The following CD226 variants were observed in gnomAD, a reference collection of about 807,000 sequenced individuals.
The protein encoded by CD226 is CD226 molecule, also known as CD226 antigen.
CD226 carries 24 observed loss-of-function variants against 34.9 expected under a neutral mutation model. The observed-to-expected ratio is 0.69, with a 90% confidence interval of 0.50 to 0.97. The LOEUF (loss-of-function observed/expected upper bound fraction) is 0.97. Ranked by LOEUF, CD226 falls within the 50% of genes least tolerant of loss-of-function variation. The pLI, the probability that CD226 is intolerant of heterozygous loss-of-function variation, is 0.00. For synonymous variants in CD226, 148 were observed against 147.4 expected, an observed-to-expected ratio of 1.00 and a Z score of -0.03; for missense variants, 397 against 412.7, an observed-to-expected ratio of 0.96 and a Z score of 0.33.
At chr18:69,950,254 ACT>A (rs560239008), upstream of CD226, among the ~76,000 whole-genome samples, 320 of 151,772 alleles carry the variant, frequency 2.1e-3, 2 homozygotes, top group South Asian at 1.5e-3. Flanking sequence ...ACTCTCACAC[ACT>A]CTGTCTCTCT....
Position 69,859,528 on chromosome 18 carries a change from T to C in CD226, c.*4786A>G, listed in dbSNP as rs1982713753. On this transcript the variant is annotated 3_prime_UTR_variant, in exon 6 of 6. Transcript: ENST00000582621. ...GAGAAGAGTATTTTATGTGGTGAGT[T>C]TGGGGAGAGAAAGACATCTAAATGA... is the stretch of plus-strand genomic sequence containing the variant. 1.3e-5 allele frequency: 2 copies of C among 151,706 alleles called. No individual in the cohort carries two copies. The highest frequency in any genetic ancestry group is 1.3e-4 in the Admixed American group (2 of 15,208). 9.4% of individuals were successfully genotyped at this position (151,706 alleles called of 1,614,324 possible).
At chr18:69,909,213 T>TG (rs2055293860) in intron 2 of CD226, among the ~76,000 whole-genome samples, 1 of 152,198 alleles carries the variant, frequency 6.6e-6, no homozygotes, top group African/African-American at 2.4e-5. Context: ...CCAATAATTT[T>TG]GGGGGGACTA....
At chr18:69,932,075 T>C (rs1353431939) in intron 2 of CD226, among the ~76,000 whole-genome samples, 1 of 152,178 alleles carries the variant, frequency 6.6e-6, no homozygotes, top group African/African-American at 2.4e-5. Context: ...AATAACCTCA[T>C]TTTAACTTAA....
intron 2 of CD226, among the ~76,000 whole-genome samples, chr18:69,902,576 G>C (rs1033489827): frequency 6.6e-6 from 1 of 150,646 alleles, no homozygotes; most frequent in East Asian, 2.0e-4. Flanking sequence ...AAAAAAAAAT[G>C]TGTGTTGTGC....
intron 2 of CD226, among the ~76,000 whole-genome samples, chr18:69,909,507 T>C (rs1024862320): frequency 1.3e-5 from 2 of 152,190 alleles, no homozygotes; most frequent in African/African-American, 2.4e-5. Flanking sequence ...CTCCCTGAGG[T>C]AGAAGAGGCT....
chr18:69,953,599 G>A lies in CD226; in HGVS notation c.-28+3156C>T, dbSNP rs143712259. On this transcript the variant is annotated intron_variant, in intron 1 of 6. Transcript: ENST00000280200. The stretch of plus-strand genomic sequence containing the variant: ...GAGGGAATAGGGAGTGACTGTTTAA[G>A]GTATGGGGTTTTCTTTAAAATGATG... Among the ~76,000 whole-genome samples the A allele has an allele frequency of 3.4e-4, 52 of 152,284 alleles. 1 individual carries two copies. The highest frequency in any genetic ancestry group is 1.0e-3 in the African/African-American group (43 of 41,546).
At position 69,862,506 on chromosome 18, in the gene CD226, A is replaced by T. The variant is rs1465461501; in HGVS notation, c.*1808T>A. On this transcript the variant is annotated 3_prime_UTR_variant, in exon 6 of 6. Transcript: ENST00000582621. ...AAACATTTCATGAATCCAGGTATAA[A>T]AAGATCTTTAAGCAAACATAATAAA... The T allele has an allele frequency of 2.6e-5, 4 of 152,168 alleles. No homozygotes were observed. Among genetic ancestry groups the T allele is most frequent in the Non-Finnish European group, 5.9e-5 (4 of 68,004 alleles). 9.4% of individuals were successfully genotyped at this position (152,168 alleles called of 1,614,324 possible). A position where few individuals can be genotyped will look rare whatever the true frequency, so the allele number is the denominator to read the frequency against.
At chr18:69,878,481 G>T (rs1015357232) in intron 3 of CD226, among the ~76,000 whole-genome samples, 4 of 151,732 alleles carry the variant, frequency 2.6e-5, no homozygotes, top group African/African-American at 9.7e-5. Context: ...TTCCCTCAGA[G>T]TTCGGCAGGC....
At chr18:69,895,597 A>C in intron 3 of CD226, 104 bp downstream of exon 3, 26 of 780,940 alleles carry the variant, frequency 3.3e-5, no homozygotes, top group Non-Finnish European at 5.1e-5. Flanking sequence ...AATGCTGAAT[A>C]TGCGCATTAA....
chr18:69,959,710 T>C (rs1322900956), upstream of CD226, among the ~76,000 whole-genome samples: 1 of 152,174 alleles, frequency 6.6e-6, no homozygotes. Context: ...CAATTGTTAA[T>C]AGATGCTAAA....
intron 2 of CD226, among the ~76,000 whole-genome samples, chr18:69,939,884 G>T (rs1233012505): frequency 6.6e-6 from 1 of 152,134 alleles, no homozygotes; most frequent in African/African-American, 2.4e-5. Context: ...TCCTGGGTCT[G>T]CAGCCTGCAA....
chr18:69,857,392 T>C lies in CD226; in HGVS notation c.*6922A>G, dbSNP rs1018799360. On this transcript the variant is annotated 3_prime_UTR_variant, in exon 6 of 6. Coordinates refer to ENST00000582621, the MANE Select transcript of CD226 (RefSeq NM_001303618.2). ...GCTCAACTGAAGCCACATCCAAAGCTGTTACTCAGAAAACTTAGTATCACT... is the reference window on the plus strand; with the variant it reads ...GCTCAACTGAAGCCACATCCAAAGCCGTTACTCAGAAAACTTAGTATCACT... 1 of 152,152 alleles carries C rather than the reference T, an allele frequency of 6.6e-6. No individual in the cohort carries two copies. Among genetic ancestry groups the C allele is most frequent in the African/African-American group, 2.4e-5 (1 of 41,434 alleles). The allele number at this position is 152,152 out of a possible 1,614,324, so 9.4% of individuals were successfully genotyped here.
At chr18:69,895,016 C>T (rs1166685860) in intron 3 of CD226, among the ~76,000 whole-genome samples, 1 of 152,152 alleles carries the variant, frequency 6.6e-6, no homozygotes, top group Non-Finnish European at 1.5e-5. Flanking sequence ...AGGCCAATTT[C>T]ACCAGCACAA....
intron 3 of CD226, among the ~76,000 whole-genome samples, chr18:69,883,753 T>C (rs1180046133): frequency 6.6e-6 from 1 of 152,272 alleles, no homozygotes; most frequent in Non-Finnish European, 1.5e-5. Context: ...TGAGAATGTA[T>C]ATGTTCTTAT....
intron 3 of CD226, among the ~76,000 whole-genome samples, chr18:69,888,162 A>C (rs1984670964): frequency 6.6e-6 from 1 of 152,224 alleles, no homozygotes; most frequent in South Asian, 2.1e-4. Context: ...AAATGCTATT[A>C]ATCTTATAAG....
intron 3 of CD226, among the ~76,000 whole-genome samples, chr18:69,877,054 G>T (rs963238870): frequency 2.6e-5 from 4 of 151,948 alleles, no homozygotes; most frequent in African/African-American, 9.7e-5. Context: ...AGTAGAGACG[G>T]GGTTTCACCA....
At chr18:69,944,040 T>C (rs901767389) in intron 2 of CD226, among the ~76,000 whole-genome samples, 7 of 150,270 alleles carry the variant, frequency 4.7e-5, no homozygotes, top group African/African-American at 1.2e-4. Context: ...AAAAGTACAA[T>C]ATTTGCAATC....
upstream of CD226, among the ~76,000 whole-genome samples, chr18:69,958,628 C>G (rs2055914406): frequency 6.6e-6 from 1 of 152,104 alleles, no homozygotes; most frequent in Non-Finnish European, 1.5e-5. Flanking sequence ...AATGCAAATC[C>G]TATCTATCGT....
chr18:69,867,406 C>T lies in CD226; in HGVS notation c.836G>A (p.Arg279Lys), dbSNP rs72481820. The T allele has an allele frequency of 0.071, 110,772 of 1,558,970 alleles. 4,295 individuals carry two copies. Among genetic ancestry groups the T allele is most frequent in the Middle Eastern group, 0.1 (609 of 5,960 alleles). ...TIIVIFLNRRRRRERRDLFTE... is the reference protein window; with the variant it reads ...TIIVIFLNRRKRRERRDLFTE... ...AAATAGATCTCTTCTCTCTCTCCTT[C>T]TCCTTCTGGAATGCATATTCAATAA... is the stretch of plus-strand genomic sequence containing the variant. Residue 279 changes from arginine to lysine, a missense_variant, in exon 5 of 6, where the codon AGA (arginine) becomes AAA (lysine). By Grantham distance (26) the Arg-to-Lys change is conservative. Coordinates refer to ENST00000582621, the MANE Select transcript of CD226 (RefSeq NM_001303618.2).
Sources: gnomAD v4.1 joint callset for allele counts (sites outside exome capture counted in the v4.1 genomes callset) on GRCh38, gnomAD v4.1.1 for gene constraint, MANE v1.5 for transcripts, NCBI Gene and HGNC (gene_info 2026-07-23, HGNC 2026-07-21) for gene names.